The following MGAT4A variants were observed in gnomAD, a reference collection of about 807,000 sequenced individuals.
MGAT4A encodes the protein N-acetylglucosaminyltransferase IVa.
A neutral mutation model predicts 74.1 loss-of-function variants in MGAT4A; 33 were observed. That is an observed-to-expected ratio of 0.45 (90% confidence interval 0.34 to 0.60). The LOEUF (loss-of-function observed/expected upper bound fraction) is 0.60. Ranked by LOEUF, MGAT4A falls within the 20% of genes least tolerant of loss-of-function variation. The pLI is 0.02. For missense variants in MGAT4A, 479 were observed against 628.3 expected (o/e 0.76, Z 2.54); for synonymous variants, 198 against 210.4 (o/e 0.94, Z 0.51).
chr2:98,632,549 C>T (rs1389395114), intron 14 of MGAT4A, among the ~76,000 whole-genome samples: 1 of 152,236 alleles, frequency 6.6e-6, no homozygotes, highest in African/African-American at 2.4e-5. Flanking sequence ...TTCCACAGCA[C>T]CCTTAGGCTG....
At chr2:98,664,071 G>A (rs1701791015) in intron 4 of MGAT4A, among the ~76,000 whole-genome samples, 1 of 151,884 alleles carries the variant, frequency 6.6e-6, no homozygotes, top group Non-Finnish European at 1.5e-5. Context: ...TCTGGGCATG[G>A]TGGCGCACAC....
At chr2:98,697,723 A>G (rs772297553) in intron 2 of MGAT4A, among the ~76,000 whole-genome samples, 1 of 152,194 alleles carries the variant, frequency 6.6e-6, no homozygotes, top group African/African-American at 2.4e-5. Context: ...AATTATTATT[A>G]AGGGCAAAAA....
At position 98,726,301 on chromosome 2, in the gene MGAT4A, G is replaced by A; in HGVS notation, c.32C>T (p.Ala11Val). MRLRNGTVAT[A>V]LAFITSFLTL... ...AAGGAAGGAAGTGATAAATGCTAAA[G>A]CAGTGGCTACAGTTCCATTGCGGAG... The change falls in exon 2 of 16, where the codon GCT becomes GTT. Residue 11 changes from alanine (A) to valine (V), a missense_variant. Ala to Val is a moderately conservative substitution (Grantham distance 64). Transcript: ENST00000393487. 1 of 1,614,080 alleles carries A rather than the reference G, an allele frequency of 6.2e-7. No individual in the cohort carries two copies. Among genetic ancestry groups the A allele is most frequent in the African/African-American group, 1.3e-5 (1 of 75,050 alleles).
intron 8 of MGAT4A, among the ~76,000 whole-genome samples, chr2:98,646,824 T>C (rs1701492499): frequency 6.6e-6 from 1 of 152,244 alleles, no homozygotes; most frequent in Non-Finnish European, 1.5e-5. Flanking sequence ...TGTGCAGGTC[T>C]GTTACATGGA....
chr2:98,678,320 C>A lies in MGAT4A; in HGVS notation c.246G>T (p.Ala82=). The change falls in exon 3 of 16, where the codon GCG becomes GCT. Residue 82 remains alanine (A), a synonymous_variant. Coordinates refer to ENST00000393487, the MANE Select transcript of MGAT4A (RefSeq NM_012214.3). The part of the protein sequence containing the change: ...VGAETNGSKD[A]LNKFSDNTLK... ...TGTTTGTACCTGAAAACTTATTCAACGCATCCTTACTTCCATTTGTTTCTG... is the reference window on the plus strand; with the variant it reads ...TGTTTGTACCTGAAAACTTATTCAAAGCATCCTTACTTCCATTTGTTTCTG... 1 of 1,405,148 alleles carries A rather than the reference C, an allele frequency of 7.1e-7. No homozygotes were observed. The highest frequency in any genetic ancestry group is 9.4e-7 in the Non-Finnish European group (1 of 1,066,648). 87.0% of individuals were successfully genotyped at this position (1,405,148 alleles called of 1,614,324 possible). A position where few individuals can be genotyped will look rare whatever the true frequency, so the allele number is the denominator to read the frequency against.
intron 2 of MGAT4A, among the ~76,000 whole-genome samples, chr2:98,692,304 A>G (rs181340510): frequency 6.6e-6 from 1 of 152,070 alleles, no homozygotes; most frequent in Non-Finnish European, 1.5e-5. Flanking sequence ...GGGTCTCACT[A>G]TATTGCCCAG....
intron 2 of MGAT4A, among the ~76,000 whole-genome samples, chr2:98,698,644 A>G (rs1244921780): frequency 6.6e-6 from 1 of 151,866 alleles, no homozygotes; most frequent in Non-Finnish European, 1.5e-5. Context: ...ATGACTACCT[A>G]CTTAACTCTC....
At chr2:98,726,942 T>C (rs1452947740) in intron 1 of MGAT4A, 1 of 152,130 alleles carries the variant, frequency 6.6e-6, no homozygotes, top group Non-Finnish European at 1.5e-5. Flanking sequence ...TGCACAATAA[T>C]AGGAAATTTT....
chr2:98,692,031 T>TA (rs1349274168), intron 2 of MGAT4A, among the ~76,000 whole-genome samples: 1 of 152,252 alleles, frequency 6.6e-6, no homozygotes. Context: ...GTTTTAAACT[T>TA]AGTGTTATTA....
At chr2:98,641,634 C>A (rs1701411756) in intron 10 of MGAT4A, among the ~76,000 whole-genome samples, 1 of 151,186 alleles carries the variant, frequency 6.6e-6, no homozygotes, top group Admixed American at 6.6e-5. Context: ...CGAGATCGCG[C>A]CACTGCACTC....
At chr2:98,655,605 T>C (rs1363819200) in intron 7 of MGAT4A, 85 bp from the exon 8 acceptor site, 13 of 838,888 alleles carry the variant, frequency 1.5e-5, no homozygotes, top group Non-Finnish European at 2.1e-5. Context: ...GTCAAATGTC[T>C]ACATAACATG....
intron 7 of MGAT4A, chr2:98,655,931 A>C: frequency 5.5e-6 from 1 of 181,896 alleles, no homozygotes; most frequent in Non-Finnish European, 1.1e-5. Flanking sequence ...GTAATATCTT[A>C]ATGTTTCATC....
intron 8 of MGAT4A, among the ~76,000 whole-genome samples, chr2:98,648,456 C>T (rs1161060557): frequency 6.6e-6 from 1 of 151,948 alleles, no homozygotes; most frequent in Admixed American, 6.6e-5. Context: ...GCTGAGATCA[C>T]ACCATTGCAG....
chr2:98,643,279 C>T (rs140702781), intron 10 of MGAT4A, among the ~76,000 whole-genome samples: 326 of 152,254 alleles, frequency 2.1e-3, no homozygotes, highest in African/African-American at 7.5e-3. Context: ...CAGTCTTGGG[C>T]TCCCAAGGTG....
At chr2:98,647,573 C>T (rs1219129951) in intron 8 of MGAT4A, among the ~76,000 whole-genome samples, 1 of 152,218 alleles carries the variant, frequency 6.6e-6, no homozygotes, top group African/African-American at 2.4e-5. Flanking sequence ...CCCGCCTCGG[C>T]CTCTCAAAGT....
At chr2:98,729,294 T>C (rs1206453087) in intron 1 of MGAT4A, among the ~76,000 whole-genome samples, 1 of 152,182 alleles carries the variant, frequency 6.6e-6, no homozygotes, top group Non-Finnish European at 1.5e-5. Flanking sequence ...AAGAATGTAG[T>C]CATACATTTT....
intron 14 of MGAT4A, 105 bp from the exon 15 acceptor site, chr2:98,625,940 TG>T (rs1280095605): frequency 4.3e-6 from 3 of 690,622 alleles, no homozygotes; most frequent in Non-Finnish European, 7.2e-6. Flanking sequence ...TTCTAGTAGA[TG>T]TCTTTTGACA....
At chr2:98,633,970 GA>G (rs1161604153) in intron 14 of MGAT4A, among the ~76,000 whole-genome samples, 1 of 152,196 alleles carries the variant, frequency 6.6e-6, no homozygotes, top group Non-Finnish European at 1.5e-5. Context: ...AGCAATGGCT[GA>G]ATGATACTTA....
At chr2:98,672,807 T>C (rs1021499118) in intron 4 of MGAT4A, among the ~76,000 whole-genome samples, 3 of 152,166 alleles carry the variant, frequency 2.0e-5, no homozygotes, top group East Asian at 1.9e-4. Flanking sequence ...AATATAATCA[T>C]TGAAATCATA....
Sources: allele counts gnomAD v4.1 joint callset (sites outside exome capture counted in the v4.1 genomes callset), GRCh38; gene constraint gnomAD v4.1.1; transcripts MANE v1.5; gene names NCBI Gene and HGNC (gene_info 2026-07-23, HGNC 2026-07-21).